Variants in MIPEP observed in about 807,000 individuals in gnomAD.
The protein encoded by MIPEP is mitochondrial intermediate peptidase.
A neutral mutation model predicts 90.3 loss-of-function variants in MIPEP; 79 were observed. The observed-to-expected ratio is 0.87, with a 90% CI of 0.73 to 1.05. MIPEP has a LOEUF of 1.05. Among genes scored for constraint, MIPEP ranks in the 50% least tolerant of loss-of-function variants. MIPEP has a pLI of 0.00. For missense variants in MIPEP, 940 were observed against 905.6 expected (o/e 1.04, Z -0.49); for synonymous variants, 334 against 315.8 (o/e 1.06, Z -0.61).
intron 1 of MIPEP, chr13:23,888,735 G>A: frequency 9.8e-7 from 1 of 1,016,272 alleles, no homozygotes. Flanking sequence ...TGCCGCCTGT[G>A]AACGCACAGG....
intron 16 of MIPEP, among the ~76,000 whole-genome samples, chr13:23,769,829 A>C (rs1029626322): frequency 6.6e-6 from 1 of 152,196 alleles, no homozygotes; most frequent in African/African-American, 2.4e-5. Context: ...GGGGCCTTTA[A>C]GAGGTGACCG....
At chr13:23,879,692 C>T (rs1871203145) in intron 3 of MIPEP, among the ~76,000 whole-genome samples, 1 of 152,054 alleles carries the variant, frequency 6.6e-6, no homozygotes, top group Admixed American at 6.6e-5. Flanking sequence ...ACCACCACGC[C>T]CAGCTAATTT....
chr13:23,780,905 A>G (rs1418718368), intron 16 of MIPEP, among the ~76,000 whole-genome samples: 1 of 152,236 alleles, frequency 6.6e-6, no homozygotes, highest in African/African-American at 2.4e-5. Context: ...GTTTAGAAAA[A>G]AAAGGGTAAA....
intron 14 of MIPEP, among the ~76,000 whole-genome samples, chr13:23,831,385 G>GCGGGC (rs57512059): frequency 1.5e-5 from 2 of 132,464 alleles, no homozygotes; most frequent in African/African-American, 2.7e-5. Context: ...CCCCATGGCG[G>GCGGGC]GGGGGGGATG....
chr13:23,760,629 G>A (rs1392091060), intron 16 of MIPEP: 2 of 512,632 alleles, frequency 3.9e-6, no homozygotes, highest in African/African-American at 1.9e-5. Flanking sequence ...AGCCAGATCT[G>A]CTGACACCTT....
intron 14 of MIPEP, among the ~76,000 whole-genome samples, chr13:23,819,278 T>A (rs539254469): frequency 6.6e-6 from 1 of 152,194 alleles, no homozygotes; most frequent in Non-Finnish European, 1.5e-5. Flanking sequence ...GTAGATCCCA[T>A]ACAGTCCGGT....
chr13:23,759,354 T>C, intron 17 of MIPEP, among the ~76,000 whole-genome samples: 1 of 144,164 alleles, frequency 6.9e-6, no homozygotes, highest in South Asian at 2.3e-4. Flanking sequence ...CCCACGCACC[T>C]CTCCAGACAG....
intron 2 of MIPEP, among the ~76,000 whole-genome samples, chr13:23,883,557 T>C (rs1224258455): frequency 6.6e-6 from 1 of 152,216 alleles, no homozygotes; most frequent in Non-Finnish European, 1.5e-5. Flanking sequence ...AAATCATATC[T>C]AGATTACTTG....
chr13:23,745,700 G>A (rs962033146), intron 18 of MIPEP, among the ~76,000 whole-genome samples: 4 of 152,074 alleles, frequency 2.6e-5, no homozygotes, highest in Admixed American at 2.0e-4. Flanking sequence ...GGCCGAGGCG[G>A]GCGGATCACT....
At chr13:23,777,267 T>C (rs866105649) in intron 16 of MIPEP, among the ~76,000 whole-genome samples, 1 of 152,222 alleles carries the variant, frequency 6.6e-6, no homozygotes, top group Non-Finnish European at 1.5e-5. Context: ...GTCCCAGTGA[T>C]GTGCAAGTCT....
chr13:23,878,123 T>G (rs1490756425), intron 4 of MIPEP, among the ~76,000 whole-genome samples: 1 of 152,256 alleles, frequency 6.6e-6, no homozygotes, highest in African/African-American at 2.4e-5. Context: ...TAACCTTCTA[T>G]TTTTAACATT....
At position 23,833,410 on chromosome 13, in the gene MIPEP, C is replaced by T. The variant is rs564184987; in HGVS notation, c.1653+2830G>A. Among the ~76,000 whole-genome samples, 10 of 152,284 alleles carry T rather than the reference C, an allele frequency of 6.6e-5. No individual in the cohort carries two copies. The East Asian group carries it at 1.3e-3, about 21-fold the overall frequency. On this transcript the variant is annotated intron_variant, in intron 14 of 18. Coordinates refer to ENST00000382172, the MANE Select transcript of MIPEP (RefSeq NM_005932.4). The stretch of plus-strand genomic sequence containing the variant: ...TTCTTTAGAGACTACGTCTGTAAGT[C>T]CCTTAAGGGCACTGGATCCATCTTC...
At chr13:23,739,551 G>A (rs532656876) in intron 18 of MIPEP, among the ~76,000 whole-genome samples, 9 of 152,300 alleles carry the variant, frequency 5.9e-5, no homozygotes, top group Non-Finnish European at 1.2e-4. Flanking sequence ...ATTTCTCAAG[G>A]AAAACACGAA....
chr13:23,841,429 C>A lies in MIPEP; in HGVS notation c.1166G>T (p.Gly389Val), dbSNP rs761580202. The A allele has an allele frequency of 6.2e-7, 1 of 1,614,086 alleles. No homozygotes were observed. The highest frequency in any genetic ancestry group is 8.5e-7 in the Non-Finnish European group (1 of 1,180,004). ...CAGTCTGTTAAGCAAAATATTCAGG[C>A]CTTCCATGCATGCTCCAAGAGAGAA... is the stretch of plus-strand genomic sequence containing the variant. The part of the protein sequence containing the change: ...PFFSLGACME[G>V]LNILLNRLLG... Residue 389 changes from glycine to valine, a missense_variant, in exon 11 of 19, where the codon GGC (glycine) becomes GTC (valine). Physicochemically the swap from Gly to Val is moderately radical, Grantham distance 109 (BLOSUM62 -3). Transcript: ENST00000382172.
In MIPEP at chr13:23,864,147, GA is replaced by G; in HGVS notation, c.985del (p.Ser329LeufsTer5). ...QFLEKLSDKL[S>X]ERTLKDFEMI... ...TAGTAGAATAAAAACTAACCTTTCAGAAAGTTTGTCAGATAGTTTTTCAAGG... is the reference window on the plus strand; with the variant it reads ...TAGTAGAATAAAAACTAACCTTTCAGAAGTTTGTCAGATAGTTTTTCAAGG... On this transcript the variant is annotated frameshift_variant, in exon 8 of 19. Transcript: ENST00000382172. LOFTEE classifies it high-confidence loss of function. 1 of 1,552,466 alleles carries G rather than the reference GA, an allele frequency of 6.4e-7. No homozygotes were observed. The highest frequency in any genetic ancestry group is 8.7e-7 in the Non-Finnish European group (1 of 1,143,784).
chr13:23,853,841 C>T (rs999788964), intron 10 of MIPEP, among the ~76,000 whole-genome samples: 19 of 151,762 alleles, frequency 1.3e-4, no homozygotes, highest in Non-Finnish European at 2.2e-4. Flanking sequence ...GCTGGGATTA[C>T]AGGCATGAGC....
chr13:23,833,785 C>T (rs1382247267), intron 14 of MIPEP, among the ~76,000 whole-genome samples: 1 of 152,056 alleles, frequency 6.6e-6, no homozygotes, highest in Non-Finnish European at 1.5e-5. Context: ...TAGTCACCCC[C>T]GCGTGTGTGT....
intron 16 of MIPEP, among the ~76,000 whole-genome samples, chr13:23,783,151 C>A (rs1202517293): frequency 1.1e-4 from 16 of 152,158 alleles, no homozygotes; most frequent in South Asian, 2.1e-4. Context: ...GAGACACAAC[C>A]GAAAAAGAGA....
chr13:23,874,890 TAAACA>T lies in MIPEP; in HGVS notation c.554_558del (p.Leu185HisfsTer3). 1 of 1,600,270 alleles carries T rather than the reference TAAACA, an allele frequency of 6.2e-7. No homozygotes were observed. Among genetic ancestry groups the T allele is most frequent in the Non-Finnish European group, 8.5e-7 (1 of 1,175,542 alleles). ...ATTCCACTAATTTCAAAATCAAACA[TAAACA>T]GTTCAGCCACTCGCCTATAAATGAA... On this transcript the variant is annotated frameshift_variant, in exon 5 of 19. Transcript: ENST00000382172. LOFTEE classifies it high-confidence loss of function.
Sources: gnomAD v4.1 joint callset for allele counts (sites outside exome capture counted in the v4.1 genomes callset) on GRCh38, gnomAD v4.1.1 for gene constraint, MANE v1.5 for transcripts, NCBI Gene and HGNC (gene_info 2026-07-23, HGNC 2026-07-21) for gene names.